MYOF: variants seen among roughly 807,000 people sequenced by gnomAD.
The protein encoded by MYOF is myoferlin, also known as fer-1-like 3, myoferlin.
MYOF carries 244 observed loss-of-function variants against 284.2 expected under a neutral mutation model. The observed-to-expected ratio is 0.86, with a 90% CI of 0.77 to 0.95. The LOEUF (loss-of-function observed/expected upper bound fraction) is 0.95. Ranked by LOEUF, MYOF falls within the 40% of genes least tolerant of loss-of-function variation. The probability of loss-of-function intolerance (pLI) is 0.00; values close to 1 mark genes in which losing one functional copy is unlikely to be tolerated. For missense variants in MYOF, 2,496 were observed against 2,560.6 expected, an observed-to-expected ratio of 0.97 and a Z score of 0.54; for synonymous variants, 904 against 919.7, an observed-to-expected ratio of 0.98 and a Z score of 0.31.
intron 5 of MYOF, among the ~76,000 whole-genome samples, chr10:93,413,459 A>ATG (rs1847987100): frequency 6.6e-6 from 1 of 152,210 alleles, no homozygotes; most frequent in African/African-American, 2.4e-5. Context: ...ACACACCCTG[A>ATG]TGTGCAAGCT....
intron 3 of MYOF, among the ~76,000 whole-genome samples, chr10:93,443,472 C>CTCTCTGTGTG (rs1201572994): frequency 2.2e-5 from 3 of 137,154 alleles, no homozygotes; most frequent in African/African-American, 9.1e-5. Flanking sequence ...CTCTCTCTCT[C>CTCTCTGTGTG]TGTGTGTGTG....
intron 43 of MYOF, among the ~76,000 whole-genome samples, chr10:93,331,601 G>A (rs904357338): frequency 1.3e-5 from 2 of 151,922 alleles, no homozygotes; most frequent in African/African-American, 4.8e-5. Context: ...CCTCGGGGCT[G>A]GATCAGTGGA....
At chr10:93,474,449 A>C (rs2057216219) in intron 1 of MYOF, among the ~76,000 whole-genome samples, 1 of 152,158 alleles carries the variant, frequency 6.6e-6, no homozygotes, top group Non-Finnish European at 1.5e-5. Context: ...CACTTTCTCC[A>C]CAAGCTTTTT....
intron 3 of MYOF, among the ~76,000 whole-genome samples, chr10:93,440,885 C>A (rs537501998): frequency 6.6e-6 from 1 of 152,184 alleles, no homozygotes; most frequent in African/African-American, 2.4e-5. Context: ...TTAACAGATA[C>A]CAACAGGATT....
At position 93,379,937 on chromosome 10, in the gene MYOF, G is replaced by C; in HGVS notation, c.1927C>G (p.Leu643Val). ...CTAATATCCTCCCAGTATGAAGTCA[G>C]GGTAACAACTGGCTTGGTGTGGGCC... ...PWAHTKPVVT[L>V]TSYWEDISHR... Residue 643 changes from leucine to valine, a missense_variant, in exon 21 of 54, where the codon CTG becomes GTG. Around this residue, in one of 3 missense-constraint regions of MYOF, gnomAD observed 2,436 missense variants for 2,480.7 expected, o/e 0.98. Transcript: ENST00000359263. 2 of 1,614,146 alleles carry C rather than the reference G, an allele frequency of 1.2e-6. No homozygotes were observed. Among genetic ancestry groups the C allele is most frequent in the Non-Finnish European group, 1.7e-6 (2 of 1,179,984 alleles).
At chr10:93,478,834 AAAAAAAAAAG>A (rs1190324111) in intron 1 of MYOF, among the ~76,000 whole-genome samples, 1 of 98,058 alleles carries the variant, frequency 1.0e-5, no homozygotes, top group African/African-American at 3.8e-5. Context: ...TCAAAAAAAA[AAAAAAAAAAG>A]AAAGAAAGAA....
In MYOF at chr10:93,374,755, A is replaced by G; in HGVS notation, c.2301+8T>C. The G allele has an allele frequency of 6.2e-7, 1 of 1,611,474 alleles. No individual in the cohort carries two copies. Among genetic ancestry groups the G allele is most frequent in the Non-Finnish European group, 8.5e-7 (1 of 1,178,862 alleles). ...TCAGGTGACGTTTGTGTAGTTTAAA[A>G]GTCCTACCTCTTCAGTCAGCTGCAT... On this transcript the variant is annotated splice_region_variant and intron_variant, in intron 23 of 53. Coordinates refer to ENST00000359263, the MANE Select transcript of MYOF (RefSeq NM_013451.4).
At chr10:93,372,854 G>A (rs1272555725) in intron 24 of MYOF, 76 bp downstream of exon 24, 23 of 1,523,620 alleles carry the variant, frequency 1.5e-5, no homozygotes, top group Non-Finnish European at 2.1e-5. Flanking sequence ...ATTTGCAAAT[G>A]ATATAAAGCA....
At position 93,391,253 on chromosome 10, in the gene MYOF, C is replaced by T. The variant is rs1418721438; in HGVS notation, c.1456+1664G>A. ...TTTCATTGTGCATTAACAGAAGGAA[C>T]TCTCCTTCTATGTGCTCACATCTTA... On this transcript the variant is annotated intron_variant, in intron 17 of 53. Transcript: ENST00000359263. Among the ~76,000 whole-genome samples the T allele has an allele frequency of 3.9e-5, 6 of 152,324 alleles. No individual in the cohort carries two copies. The South Asian group carries it at 1.2e-3, about 32-fold the overall frequency.
chr10:93,320,446 A>G (rs1353660967), intron 48 of MYOF, among the ~76,000 whole-genome samples: 1 of 152,212 alleles, frequency 6.6e-6, no homozygotes, highest in Non-Finnish European at 1.5e-5. Context: ...CCCATATTTT[A>G]CTTAAGCAAA....
intron 51 of MYOF, among the ~76,000 whole-genome samples, chr10:93,312,046 T>C (rs1842413259): frequency 6.6e-6 from 1 of 152,216 alleles, no homozygotes; most frequent in South Asian, 2.1e-4. Flanking sequence ...CTGTCAAAAG[T>C]CATCAAATTG....
At chr10:93,455,400 G>A (rs905320698) in intron 2 of MYOF, among the ~76,000 whole-genome samples, 13 of 152,136 alleles carry the variant, frequency 8.5e-5, no homozygotes, top group African/African-American at 3.1e-4. Flanking sequence ...AGGCGCAATG[G>A]CTCACACCTG....
chr10:93,365,923 T>C (rs749966858), intron 26 of MYOF, among the ~76,000 whole-genome samples: 2 of 152,218 alleles, frequency 1.3e-5, no homozygotes, highest in Non-Finnish European at 1.5e-5. Flanking sequence ...TGTTACTCTG[T>C]GGGAATTCGG....
At chr10:93,396,080 T>C (rs936352696) in intron 16 of MYOF, 62 bp downstream of exon 16, 1 of 1,373,976 alleles carries the variant, frequency 7.3e-7, no homozygotes, top group Middle Eastern at 1.8e-4. Context: ...CAGTTCATTT[T>C]TTTCTCAGAC....
At position 93,323,286 on chromosome 10, in the gene MYOF, G is replaced by T; in HGVS notation, c.5344C>A (p.Pro1782Thr). 6.2e-7 allele frequency: 1 copy of T among 1,614,144 alleles called. No homozygotes were observed. The highest frequency in any genetic ancestry group is 8.5e-7 in the Non-Finnish European group (1 of 1,179,982). ...CTGACTTACTTCTTGGCTTTCCGGGGTGTGATGTTGAAAGGAGGGCCTGGT... is the reference window on the plus strand; with the variant it reads ...CTGACTTACTTCTTGGCTTTCCGGGTTGTGATGTTGAAAGGAGGGCCTGGT... ...GPPGPPFNIT[P>T]RKAKKYYLRV... Residue 1782 changes from proline (P) to threonine (T), a missense_variant, in exon 47 of 54, where the codon CCC becomes ACC. Pro to Thr is a conservative substitution (Grantham distance 38). Around this residue, in one of 3 missense-constraint regions of MYOF, gnomAD observed 2,436 missense variants for 2,480.7 expected, o/e 0.98. Transcript: ENST00000359263.
intron 53 of MYOF, among the ~76,000 whole-genome samples, chr10:93,308,504 G>A (rs1429708963): frequency 6.8e-6 from 1 of 147,660 alleles, no homozygotes; most frequent in Non-Finnish European, 1.5e-5. Context: ...AGAAATGCTT[G>A]AACCTGGGAG....
intron 43 of MYOF, among the ~76,000 whole-genome samples, chr10:93,332,928 C>G (rs1014728006): frequency 5.9e-5 from 9 of 152,194 alleles, no homozygotes; most frequent in Non-Finnish European, 1.0e-4. Context: ...GCTCCGCAGA[C>G]AGCCAGGTGG....
intron 2 of MYOF, among the ~76,000 whole-genome samples, chr10:93,455,313 A>C (rs201515983): frequency 3.4e-5 from 5 of 145,944 alleles, no homozygotes; most frequent in Non-Finnish European, 6.1e-5. Context: ...AAACAAAAAA[A>C]CAAAAAAAGA....
intron 5 of MYOF, among the ~76,000 whole-genome samples, chr10:93,420,818 G>T (rs986114006): frequency 6.6e-6 from 1 of 152,000 alleles, no homozygotes; most frequent in Non-Finnish European, 1.5e-5. Flanking sequence ...TTTGCTCGAG[G>T]AAAGAAAAAC....
Sources: gnomAD v4.1 joint callset for allele counts (sites outside exome capture counted in the v4.1 genomes callset) on GRCh38, gnomAD v4.1.1 for gene constraint, gnomAD v4.1.1 regional missense constraint, MANE v1.5 for transcripts, NCBI Gene and HGNC (gene_info 2026-07-23, HGNC 2026-07-21) for gene names.